The following FSD2 variants were observed in gnomAD, a reference collection of about 807,000 sequenced individuals.
FSD2 encodes the protein fibronectin type III and SPRY domain containing 2.
FSD2 carries 71 observed loss-of-function variants against 80.4 expected under a neutral mutation model. The observed-to-expected ratio is 0.88, with a 90% CI of 0.73 to 1.08. FSD2 has a LOEUF of 1.08. Among genes scored for constraint, FSD2 ranks in the 50% least tolerant of loss-of-function variants. The probability of loss-of-function intolerance (pLI) is 0.00; values close to 1 mark genes in which losing one functional copy is unlikely to be tolerated. For missense variants in FSD2, 923 were observed against 913.8 expected, an observed-to-expected ratio of 1.01 and a Z score of -0.13; for synonymous variants, 361 against 329.5, an observed-to-expected ratio of 1.10 and a Z score of -1.03.
intron 10 of FSD2, 70 bp from the exon 11 acceptor site, chr15:82,765,368 C>T (rs1020055474): frequency 2.8e-5 from 45 of 1,601,726 alleles, no homozygotes; most frequent in South Asian, 8.9e-5. Flanking sequence ...CGGTGGTCAC[C>T]GGTTTAGCTT....
intron 1 of FSD2, among the ~76,000 whole-genome samples, chr15:82,789,348 G>T (rs1423595040): frequency 7.3e-6 from 1 of 136,450 alleles, no homozygotes; most frequent in Non-Finnish European, 1.6e-5. Context: ...ATAAAGTCTA[G>T]AAGGATATAA....
At chr15:82,799,897 C>T (rs138458193) in intron 1 of FSD2, among the ~76,000 whole-genome samples, 9 of 152,326 alleles carry the variant, frequency 5.9e-5, no homozygotes. Flanking sequence ...GGATGCCCAG[C>T]TGGCCCGTGA....
chr15:82,768,806 C>A, intron 9 of FSD2, 74 bp downstream of exon 9: 1 of 1,275,088 alleles, frequency 7.8e-7, no homozygotes, highest in Admixed American at 3.7e-5. Flanking sequence ...CTTCAGACTC[C>A]GTATACTTCC....
At position 82,782,811 on chromosome 15, in the gene FSD2, T is replaced by A. The variant is rs756860239; in HGVS notation, c.950A>T (p.Lys317Met). Reference sequence around the variant, plus strand: ...ATTACTGACCTTTATGAAATCCACCTTCTCCTCGTGACACATCTCCTCTAT... The same window carrying A: ...ATTACTGACCTTTATGAAATCCACCATCTCCTCGTGACACATCTCCTCTAT... The part of the protein sequence containing the change: ...ETIEEMCHEE[K>M]VDFIKDAVAM... Residue 317 changes from lysine (K) to methionine (M), a missense_variant, in exon 4 of 13, where the codon AAG (lysine) becomes ATG (methionine). By Grantham distance (95) the Lys-to-Met change is moderately conservative. Transcript: ENST00000334574. The A allele has an allele frequency of 1.2e-5, 20 of 1,608,464 alleles. No individual in the cohort carries two copies. The Admixed American group carries it at 2.9e-4, about 23-fold the overall frequency.
Position 82,756,927 on chromosome 15 carries a change from A to G in FSD2, c.*2421T>C, listed in dbSNP as rs1439868359. 6.6e-6 allele frequency: 1 copy of G among 152,216 alleles called. No individual in the cohort carries two copies. Among genetic ancestry groups the G allele is most frequent in the Non-Finnish European group, 1.5e-5 (1 of 68,040 alleles). 9.4% of individuals were successfully genotyped at this position (152,216 alleles called of 1,614,324 possible). A position where few individuals can be genotyped will look rare whatever the true frequency, so the allele number is the denominator to read the frequency against. ...AGACTTATCAGCAGGTTGCAGGTGA[A>G]CATGGCCTTGAGGTAAATCTGTCCC... On this transcript the variant is annotated 3_prime_UTR_variant, in exon 13 of 13. Transcript: ENST00000334574.
chr15:82,765,323 G>A (rs745636599), intron 10 of FSD2, 25 bp from the exon 11 acceptor site: 1 of 1,612,408 alleles, frequency 6.2e-7, no homozygotes, highest in Non-Finnish European at 8.5e-7. Flanking sequence ...ACACACAGAA[G>A]ACCCGCAGCC....
chr15:82,790,346 C>T (rs1175383638), intron 1 of FSD2, among the ~76,000 whole-genome samples: 1 of 152,222 alleles, frequency 6.6e-6, no homozygotes, highest in African/African-American at 2.4e-5. Context: ...TCTTGCTCTC[C>T]TTCAGCCAGG....
intron 11 of FSD2, among the ~76,000 whole-genome samples, chr15:82,763,915 T>C (rs1222129075): frequency 6.6e-6 from 1 of 152,222 alleles, no homozygotes; most frequent in African/African-American, 2.4e-5. Context: ...ACCAAATTCC[T>C]TATATTTCTC....
At chr15:82,766,970 A>G (rs1211338186) in intron 9 of FSD2, among the ~76,000 whole-genome samples, 1 of 152,184 alleles carries the variant, frequency 6.6e-6, no homozygotes, top group Admixed American at 6.5e-5. Context: ...GATGATGCCC[A>G]TTTACCAATA....
Position 82,786,893 on chromosome 15 carries a change from G to T in FSD2, c.498C>A (p.Ile166=). Reference sequence around the variant, plus strand: ...CTTCTTCTTCATCCTCTTCCTCGGGGATGACATAGCATTCATACTCCTCGC... The same window carrying T: ...CTTCTTCTTCATCCTCTTCCTCGGGTATGACATAGCATTCATACTCCTCGC... The part of the protein sequence containing the change: ...RASEEYECYV[I]PEEEDEEEAA... Residue 166 remains isoleucine, a synonymous_variant, in exon 2 of 13, where the codon ATC becomes ATA. Coordinates refer to ENST00000334574, the MANE Select transcript of FSD2 (RefSeq NM_001007122.4). 2 of 1,613,938 alleles carry T rather than the reference G, an allele frequency of 1.2e-6. No individual in the cohort carries two copies. Among genetic ancestry groups the T allele is most frequent in the South Asian group, 1.1e-5 (1 of 91,078 alleles).
chr15:82,793,524 A>G (rs1057395525), intron 1 of FSD2, among the ~76,000 whole-genome samples: 12 of 152,214 alleles, frequency 7.9e-5, no homozygotes, highest in African/African-American at 2.9e-4. Context: ...CCAATCACAC[A>G]TGCAGAAACT....
chr15:82,803,356 C>T (rs1040944723), intron 1 of FSD2, among the ~76,000 whole-genome samples: 8 of 152,144 alleles, frequency 5.3e-5, no homozygotes, highest in Non-Finnish European at 1.0e-4. Flanking sequence ...ATCTGCACAT[C>T]GTGCATTCTG....
intron 1 of FSD2, among the ~76,000 whole-genome samples, chr15:82,794,350 A>G (rs1007599986): frequency 6.6e-6 from 1 of 152,020 alleles, no homozygotes; most frequent in Non-Finnish European, 1.5e-5. Context: ...CATATTTTGT[A>G]TTATTTCTGT....
At chr15:82,798,449 C>G (rs181728156) in intron 1 of FSD2, among the ~76,000 whole-genome samples, 127 of 152,206 alleles carry the variant, frequency 8.3e-4, no homozygotes, top group African/African-American at 3.0e-3. Flanking sequence ...TCATCACAAT[C>G]CAGTTCCTAA....
At chr15:82,768,803 C>T in intron 9 of FSD2, 77 bp downstream of exon 9, 1 of 1,264,576 alleles carries the variant, frequency 7.9e-7, no homozygotes, top group Non-Finnish European at 1.0e-6. Flanking sequence ...TCTCTTCAGA[C>T]TCCGTATACT....
intron 6 of FSD2, 47 bp downstream of exon 6, chr15:82,778,719 C>A: frequency 6.5e-7 from 1 of 1,541,108 alleles, no homozygotes; most frequent in Non-Finnish European, 8.7e-7. Flanking sequence ...AAGAAAAAAG[C>A]TCTGGGTAGT....
chr15:82,792,265 C>T (rs1417457051), intron 1 of FSD2, among the ~76,000 whole-genome samples: 1 of 152,194 alleles, frequency 6.6e-6, no homozygotes, highest in Non-Finnish European at 1.5e-5. Context: ...TCTCCACATT[C>T]TTGTCAGCAC....
At chr15:82,759,682 C>G in intron 12 of FSD2, 82 bp from the exon 13 acceptor site, 1 of 1,217,966 alleles carries the variant, frequency 8.2e-7, no homozygotes, top group Non-Finnish European at 1.1e-6. Flanking sequence ...TAATTTTATT[C>G]ATAGTCCTAT....
chr15:82,762,482 G>A (rs562734680), intron 11 of FSD2, among the ~76,000 whole-genome samples: 2 of 152,268 alleles, frequency 1.3e-5, no homozygotes, highest in East Asian at 3.9e-4. Context: ...GTTACTGCTT[G>A]GTAATGGGAG....
Sources: allele counts gnomAD v4.1 joint callset (sites outside exome capture counted in the v4.1 genomes callset), GRCh38; gene constraint gnomAD v4.1.1; transcripts MANE v1.5; gene names NCBI Gene and HGNC (gene_info 2026-07-23, HGNC 2026-07-21).